TENM3: variants seen among roughly 807,000 people sequenced by gnomAD.
The protein encoded by TENM3 is teneurin transmembrane protein 3.
In TENM3, 63 loss-of-function variants were observed where a neutral mutation model predicts 255.1. The ratio of observed to expected loss-of-function variants is 0.25; its 90% CI spans 0.20 to 0.30. The LOEUF is 0.30. Among genes scored for constraint, TENM3 ranks in the 10% least tolerant of loss-of-function variants. The probability of loss-of-function intolerance (pLI) is 1.00; values close to 1 mark genes in which losing one functional copy is unlikely to be tolerated. For synonymous variants in TENM3, 1,306 were observed against 1,322.3 expected, an observed-to-expected ratio of 0.99 and a Z score of 0.27; for missense variants, 2,929 against 3,461.1, an observed-to-expected ratio of 0.85 and a Z score of 3.86.
the TENM3 span, among the ~76,000 whole-genome samples, chr4:181,564,491 G>A: frequency 3.9e-5 from 6 of 152,152 alleles, no homozygotes; most frequent in South Asian, 2.1e-4. Flanking sequence ...GCTCTTAAAC[G>A]CCATGGAATA....
intron 1 of TENM3, among the ~76,000 whole-genome samples, chr4:182,315,722 A>G (rs1049181005): frequency 6.6e-6 from 1 of 152,076 alleles, no homozygotes; most frequent in African/African-American, 2.4e-5. Flanking sequence ...AATTTTGACC[A>G]CATGTATATT....
At chr4:181,509,110 C>G in the TENM3 span, among the ~76,000 whole-genome samples, 1 of 151,784 alleles carries the variant, frequency 6.6e-6, no homozygotes, top group Non-Finnish European at 1.5e-5. Flanking sequence ...AGGAAAGAAA[C>G]TACACGTGGA....
chr4:182,710,241 G>T lies in TENM3; in HGVS notation c.2222-3846G>T, dbSNP rs149085707. On this transcript the variant is annotated intron_variant, in intron 12 of 27. Transcript: ENST00000511685. ...GAGAATCAGAAACTCCAGAAGTTTCGATGGCACTTTCTTTATGTTCAAATC... is the reference window on the plus strand; with the variant it reads ...GAGAATCAGAAACTCCAGAAGTTTCTATGGCACTTTCTTTATGTTCAAATC... Among the ~76,000 whole-genome samples the T allele has an allele frequency of 1.7e-3, 262 of 152,224 alleles. 2 individuals are homozygous for T. Among genetic ancestry groups the T allele is most frequent in the African/African-American group, 5.9e-3 (244 of 41,546 alleles).
At chr4:182,720,218 AGTG>A in intron 13 of TENM3, among the ~76,000 whole-genome samples, 1 of 152,218 alleles carries the variant, frequency 6.6e-6, no homozygotes, top group African/African-American at 2.4e-5. Flanking sequence ...TAGATTACTC[AGTG>A]AAAATAAGGA....
At chr4:182,768,426 A>G (rs1763901381) in intron 22 of TENM3, among the ~76,000 whole-genome samples, 1 of 152,198 alleles carries the variant, frequency 6.6e-6, no homozygotes, top group Admixed American at 6.5e-5. Flanking sequence ...TCAGATGAGC[A>G]TCTACTGAAG....
chr4:182,086,446 G>C, the TENM3 span, among the ~76,000 whole-genome samples: 1 of 152,178 alleles, frequency 6.6e-6, no homozygotes, highest in Non-Finnish European at 1.5e-5. Context: ...TTCTTGCCAC[G>C]TGTATCTGCT....
At chr4:181,568,819 C>G in the TENM3 span, among the ~76,000 whole-genome samples, 1 of 152,138 alleles carries the variant, frequency 6.6e-6, no homozygotes, top group Non-Finnish European at 1.5e-5. Context: ...GCTCGTCACT[C>G]CTGTGACACA....
chr4:182,609,964 G>T (rs55875929), intron 4 of TENM3, among the ~76,000 whole-genome samples: 30,534 of 152,160 alleles, frequency 0.2, 3,668 homozygotes, highest in Non-Finnish European at 0.27. Context: ...AAATAAAGAT[G>T]TGATAAAATG....
the TENM3 span, among the ~76,000 whole-genome samples, chr4:181,936,978 T>C: frequency 6.6e-6 from 1 of 152,172 alleles, no homozygotes; most frequent in African/African-American, 2.4e-5. Context: ...AAGCAGTGTG[T>C]TGTTGTAAAG....
the TENM3 span, among the ~76,000 whole-genome samples, chr4:181,467,119 ATATATATTTTTTTTTTT>A: frequency 8.9e-5 from 5 of 56,296 alleles, no homozygotes; most frequent in South Asian, 4.7e-4. Flanking sequence ...ATATATATAT[ATATATATTTTTTTTTTT>A]TTTTTTTTTT....
chr4:181,732,943 A>T, the TENM3 span, among the ~76,000 whole-genome samples: 1 of 152,240 alleles, frequency 6.6e-6, no homozygotes, highest in African/African-American at 2.4e-5. Context: ...TTAAAAAGTC[A>T]GCAAAGACCC....
chr4:182,506,299 G>A (rs1156290312), intron 3 of TENM3, among the ~76,000 whole-genome samples: 2 of 152,168 alleles, frequency 1.3e-5, no homozygotes, highest in Non-Finnish European at 2.9e-5. Flanking sequence ...AGATAATACG[G>A]TGTGGTCGAA....
chr4:182,782,368 A>G, intron 24 of TENM3, among the ~76,000 whole-genome samples: 3 of 129,076 alleles, frequency 2.3e-5, no homozygotes, highest in African/African-American at 1.1e-4. Flanking sequence ...AGCGGTTTTG[A>G]GTGAGATTCT....
chr4:181,891,531 C>T, the TENM3 span, among the ~76,000 whole-genome samples: 1 of 152,122 alleles, frequency 6.6e-6, no homozygotes. Context: ...TCCTTTCTTG[C>T]TTCTATTTCT....
chr4:182,294,039 AC>A (rs1419344298), intron 1 of TENM3, among the ~76,000 whole-genome samples: 1 of 152,010 alleles, frequency 6.6e-6, no homozygotes, highest in African/African-American at 2.4e-5. Flanking sequence ...GCCCGGGTAA[AC>A]TTCAGGATTT....
In TENM3 at chr4:182,793,013, A is replaced by G; in HGVS notation, c.6341A>G (p.Lys2114Arg). Reference protein sequence around the residue: ...IQYDNMGRVTKREIKIGPFAN... With the variant: ...IQYDNMGRVTRREIKIGPFAN... ...TATGATAACATGGGTCGGGTAACCA[A>G]GAGAGAGATTAAAATAGGGCCCTTT... Residue 2114 changes from lysine to arginine, a missense_variant, in exon 26 of 28, where the codon AAG becomes AGG. By Grantham distance (26) the Lys-to-Arg change is conservative. Transcript: ENST00000511685. The surrounding 1 kb of genome is among the most constrained non-coding windows in gnomAD (Gnocchi z 5.7). The G allele has an allele frequency of 6.2e-7, 1 of 1,613,954 alleles. No individual in the cohort carries two copies. Among genetic ancestry groups the G allele is most frequent in the Non-Finnish European group, 8.5e-7 (1 of 1,179,870 alleles).
the TENM3 span, among the ~76,000 whole-genome samples, chr4:181,482,107 T>A: frequency 6.6e-6 from 1 of 152,112 alleles, no homozygotes; most frequent in Non-Finnish European, 1.5e-5. Context: ...TTTTAAAAAA[T>A]TGTATTTAAT....
In TENM3 at chr4:182,167,897, A is replaced by C. The variant is rs895505787; in HGVS notation, c.-76+23143A>C. 1.2e-4 allele frequency among the ~76,000 whole-genome samples: 19 copies of C among 152,140 alleles called. 1 individual carries two copies. Among genetic ancestry groups the C allele is most frequent in the Admixed American group, 9.8e-4 (15 of 15,268 alleles). On this transcript the variant is annotated intron_variant, in intron 1 of 2. Coordinates refer to the TENM3 transcript ENST00000512480. Reference sequence around the variant, plus strand: ...AGACCTTGTCTTAAATAAATAAATAAATAAGTAAATTCCCTTGTAGAACTA... The same window carrying C: ...AGACCTTGTCTTAAATAAATAAATACATAAGTAAATTCCCTTGTAGAACTA...
the TENM3 span, among the ~76,000 whole-genome samples, chr4:181,500,131 C>G: frequency 1.4e-4 from 22 of 151,882 alleles, no homozygotes; most frequent in Non-Finnish European, 2.9e-5. Context: ...TAGGTTCAAG[C>G]GATTCTCCCG....
Sources: gnomAD v4.1 joint callset for allele counts (sites outside exome capture counted in the v4.1 genomes callset) on GRCh38, gnomAD v4.1.1 for gene constraint, Gnocchi (gnomAD v3.1) non-coding constraint, MANE v1.5 for transcripts, NCBI Gene and HGNC (gene_info 2026-07-23, HGNC 2026-07-21) for gene names.